The following TAF12 variants were observed in gnomAD, a reference collection of about 807,000 sequenced individuals.
TAF12 encodes the protein transcription initiation factor TFIID subunit 12.
Under a neutral mutation model 20.8 loss-of-function variants are expected in TAF12, and 3 were observed. The ratio of observed to expected loss-of-function variants is 0.14; its 90% confidence interval spans 0.07 to 0.37. The LOEUF (loss-of-function observed/expected upper bound fraction) is 0.37. TAF12 is among the 10% of genes least tolerant of loss of function. The probability of loss-of-function intolerance (pLI) is 1.00; values close to 1 mark genes in which losing one functional copy is unlikely to be tolerated. For synonymous variants in TAF12, 69 were observed against 70.2 expected (o/e 0.98, Z 0.09); for missense variants, 131 against 197.9 (o/e 0.66, Z 2.03).
At chr1:28,648,246 T>A in exon 1 of TAF12, 2 of 985,388 alleles carry the variant, frequency 2.0e-6, no homozygotes, top group Non-Finnish European at 2.4e-6. Flanking sequence ...AGACGCCTTC[T>A]GTCGTGAGCA....
intron 2 of TAF12, among the ~76,000 whole-genome samples, chr1:28,620,774 A>G (rs1303610743): frequency 1.3e-5 from 2 of 152,064 alleles, no homozygotes; most frequent in African/African-American, 4.8e-5. Flanking sequence ...TGATTATACC[A>G]TTGCACTCTA....
chr1:28,627,464 C>T (rs79384830), intron 1 of TAF12, among the ~76,000 whole-genome samples: 11,373 of 150,188 alleles, frequency 0.076, 914 homozygotes, highest in East Asian at 0.43. Flanking sequence ...GAGGCTGAGG[C>T]GGGCGGATCA....
In TAF12 at chr1:28,612,768, G is replaced by A. The variant is rs1257237919; in HGVS notation, c.361+479C>T. Among the ~76,000 whole-genome samples the A allele has an allele frequency of 2.6e-5, 4 of 151,850 alleles. No homozygotes were observed. The East Asian group carries it at 5.8e-4, about 22-fold the overall frequency. The stretch of plus-strand genomic sequence containing the variant: ...GACTATAAAATTGTATGTATATTAC[G>A]ATTATAAACTTTGGAAAAAATGCAT... On this transcript the variant is annotated intron_variant, in intron 4 of 5. Transcript: ENST00000373824.
chr1:28,627,317 G>A (rs1304543869), intron 1 of TAF12, among the ~76,000 whole-genome samples: 7 of 150,252 alleles, frequency 4.7e-5, no homozygotes, highest in African/African-American at 1.7e-4. Context: ...GAACCTGGGA[G>A]ACAGAGGTTG....
At chr1:28,610,971 AAAAAAAAAAAAACAC>A (rs77697071) in intron 4 of TAF12, among the ~76,000 whole-genome samples, 1 of 146,446 alleles carries the variant, frequency 6.8e-6, no homozygotes. Flanking sequence ...AAAAAAAAAA[AAAAAAAAAAAAACAC>A]AGGTGGAGTC....
chr1:28,613,377 T>G lies in TAF12; in HGVS notation c.247-16A>C. 1 of 1,599,952 alleles carries G rather than the reference T, an allele frequency of 6.3e-7. No individual in the cohort carries two copies. Among genetic ancestry groups the G allele is most frequent in the Non-Finnish European group, 8.5e-7 (1 of 1,172,856 alleles). The stretch of plus-strand genomic sequence containing the variant: ...GCAGCAGCATCTGGGGAAGGTAAAG[T>G]GGGAAGAGTCAGCACGACATTGGCA... On this transcript the variant is annotated splice_polypyrimidine_tract_variant and intron_variant, in intron 3 of 5. Coordinates refer to ENST00000373824, the MANE Select transcript of TAF12 (RefSeq NM_005644.4).
intron 1 of TAF12, among the ~76,000 whole-genome samples, chr1:28,641,881 C>G (rs1380125780): frequency 6.6e-6 from 1 of 151,706 alleles, no homozygotes; most frequent in Non-Finnish European, 1.5e-5. Context: ...AACCAAGCAT[C>G]TCATTTGCTA....
intron 1 of TAF12, among the ~76,000 whole-genome samples, chr1:28,633,722 A>G (rs918286851): frequency 1.3e-5 from 2 of 151,296 alleles, no homozygotes; most frequent in African/African-American, 2.4e-5. Flanking sequence ...AACCAGCCTG[A>G]CCAACATGGT....
intron 5 of TAF12, 150 bp from the exon 6 acceptor site, chr1:28,603,724 T>C (rs1348760666): frequency 2.7e-6 from 2 of 735,140 alleles, no homozygotes; most frequent in Non-Finnish European, 4.6e-6. Flanking sequence ...AGTAGATTCC[T>C]TTTAACCAGA....
chr1:28,604,425 T>C (rs527338449), intron 5 of TAF12, among the ~76,000 whole-genome samples: 28 of 152,352 alleles, frequency 1.8e-4, no homozygotes, highest in African/African-American at 6.0e-4. Flanking sequence ...TCTTTTACTA[T>C]TACTAGCTAC....
intron 1 of TAF12, among the ~76,000 whole-genome samples, chr1:28,636,356 T>C (rs1372585103): frequency 6.8e-6 from 1 of 146,828 alleles, no homozygotes; most frequent in African/African-American, 2.5e-5. Context: ...GGTAGTATAG[T>C]GTATAGTACA....
chr1:28,605,128 G>A (rs942962400), intron 5 of TAF12, among the ~76,000 whole-genome samples: 3 of 152,158 alleles, frequency 2.0e-5, no homozygotes, highest in African/African-American at 7.2e-5. Flanking sequence ...AGCTTTAAGT[G>A]ACACTCAACA....
At chr1:28,636,746 A>G (rs1171342248) in intron 1 of TAF12, among the ~76,000 whole-genome samples, 2 of 151,772 alleles carry the variant, frequency 1.3e-5, no homozygotes, top group African/African-American at 4.8e-5. Context: ...TACAGTAGTG[A>G]GATGTGATGG....
intron 1 of TAF12, among the ~76,000 whole-genome samples, chr1:28,627,161 T>G (rs1408622572): frequency 1.3e-5 from 2 of 150,942 alleles, no homozygotes; most frequent in Non-Finnish European, 3.0e-5. Flanking sequence ...CCAATGTGTG[T>G]GGATCACTTG....
intron 5 of TAF12, 22 bp from the exon 6 acceptor site, chr1:28,603,596 C>A: frequency 6.2e-7 from 1 of 1,613,442 alleles, no homozygotes; most frequent in Non-Finnish European, 8.5e-7. Flanking sequence ...GACAAATAAG[C>A]AGTTATACAG....
rs561672166 is a variant in TAF12 at position 28,618,974 on chromosome 1, G to C, written c.169-944C>G. 2.6e-5 allele frequency among the ~76,000 whole-genome samples: 4 copies of C among 152,170 alleles called. No homozygotes were observed. In the South Asian group the frequency reaches 8.3e-4, roughly 32 times the overall value. Reference sequence around the variant, plus strand: ...GAGGCAGGAGGATCACTTGAGGCCAGGAGTTAGAGACTGCAGTGAGCTATG... The same window carrying C: ...GAGGCAGGAGGATCACTTGAGGCCACGAGTTAGAGACTGCAGTGAGCTATG... On this transcript the variant is annotated intron_variant, in intron 2 of 5. Transcript: ENST00000373824.
Position 28,603,409 on chromosome 1 carries a change from T to C in TAF12, c.*130A>G. 2.1e-6 allele frequency: 2 copies of C among 932,740 alleles called. No homozygotes were observed. The highest frequency in any genetic ancestry group is 2.2e-4 in the Middle Eastern group (1 of 4,478). 57.8% of individuals were successfully genotyped at this position (932,740 alleles called of 1,614,324 possible). A position where few individuals can be genotyped will look rare whatever the true frequency, so the allele number is the denominator to read the frequency against. ...TCCTCTCAGTCATTATAGATATTGC[T>C]GCACTGTTAATAAAAAATATATGCT... On this transcript the variant is annotated 3_prime_UTR_variant, in exon 6 of 6. Coordinates refer to ENST00000373824, the MANE Select transcript of TAF12 (RefSeq NM_005644.4).
At chr1:28,639,578 T>C (rs567260391) in intron 1 of TAF12, among the ~76,000 whole-genome samples, 6 of 152,226 alleles carry the variant, frequency 3.9e-5, no homozygotes, top group African/African-American at 1.4e-4. Context: ...TTTGCAAGTA[T>C]AGGTAAGGAT....
At chr1:28,626,002 A>G (rs1476265044) in intron 1 of TAF12, among the ~76,000 whole-genome samples, 4 of 148,814 alleles carry the variant, frequency 2.7e-5, no homozygotes, top group African/African-American at 9.9e-5. Context: ...TTTTTTTGAG[A>G]CGGAGTCTCA....
Sources: allele counts gnomAD v4.1 joint callset (sites outside exome capture counted in the v4.1 genomes callset), GRCh38; gene constraint gnomAD v4.1.1; transcripts MANE v1.5; gene names NCBI Gene and HGNC (gene_info 2026-07-23, HGNC 2026-07-21).